Variants in GAS7 observed in about 807,000 individuals in gnomAD.
GAS7 encodes the protein growth arrest-specific protein 7.
A neutral mutation model predicts 71.1 loss-of-function variants in GAS7; 28 were observed. The observed-to-expected ratio is 0.39, with a 90% CI of 0.29 to 0.54. The LOEUF is 0.54. Among genes scored for constraint, GAS7 ranks in the 20% least tolerant of loss-of-function variants. GAS7 has a pLI of 0.62. For synonymous variants in GAS7, 258 were observed against 245.8 expected, an observed-to-expected ratio of 1.05 and a Z score of -0.46; for missense variants, 436 against 627.8, an observed-to-expected ratio of 0.69 and a Z score of 3.27.
intron 1 of GAS7, among the ~76,000 whole-genome samples, chr17:10,022,658 C>T (rs1053134652): frequency 7.9e-5 from 12 of 152,202 alleles, no homozygotes; most frequent in African/African-American, 7.2e-5. Flanking sequence ...GGTAACAATA[C>T]GTAACTCAGC....
chr17:9,918,268 T>A (rs9916639), intron 12 of GAS7, among the ~76,000 whole-genome samples, 169 bp from the exon 13 acceptor site: 1 of 145,446 alleles, frequency 6.9e-6, no homozygotes, highest in African/African-American at 2.6e-5. Context: ...GTGAAGCTGA[T>A]GACAGCAGCA....
chr17:10,154,643 G>A (rs901561989), intron 1 of GAS7, among the ~76,000 whole-genome samples: 8 of 152,026 alleles, frequency 5.3e-5, no homozygotes, highest in Admixed American at 6.6e-5. Context: ...TGAGACTGCC[G>A]CCCAACCGCC....
chr17:10,120,109 C>T (rs34876555), intron 1 of GAS7, among the ~76,000 whole-genome samples: 10,874 of 150,428 alleles, frequency 0.072, 423 homozygotes, highest in South Asian at 0.17. Context: ...CCCCTGCCCC[C>T]GCCCCGTGAC....
At chr17:10,176,803 T>A (rs970834277) in intron 1 of GAS7, among the ~76,000 whole-genome samples, 5 of 152,014 alleles carry the variant, frequency 3.3e-5, no homozygotes, top group Non-Finnish European at 7.4e-5. Flanking sequence ...CCCTTAATAG[T>A]CAGCACTCCA....
At chr17:10,110,048 C>T (rs1477588183) in intron 1 of GAS7, among the ~76,000 whole-genome samples, 3 of 129,600 alleles carry the variant, frequency 2.3e-5, no homozygotes, top group African/African-American at 5.8e-5. Flanking sequence ...AGCAAGGCTC[C>T]GTCTCAAAAA....
At chr17:10,046,876 G>GGAAAAGAAAAGAAAA (rs796639166) in intron 1 of GAS7, among the ~76,000 whole-genome samples, 41 of 98,224 alleles carry the variant, frequency 4.2e-4, no homozygotes, top group South Asian at 1.1e-3. Flanking sequence ...GAAAAGAAAA[G>GGAAAAGAAAAGAAAA]GAAAAGAAAA....
At chr17:10,098,630 G>C (rs2073668071) in intron 1 of GAS7, among the ~76,000 whole-genome samples, 1 of 152,182 alleles carries the variant, frequency 6.6e-6, no homozygotes, top group African/African-American at 2.4e-5. Context: ...TGGGAAGTGG[G>C]CATATCCCTA....
Position 9,912,125 on chromosome 17 carries a change from C to T in GAS7, c.*5103G>A, listed in dbSNP as rs2067454978. On this transcript the variant is annotated 3_prime_UTR_variant, in exon 14 of 14. Coordinates refer to ENST00000432992, the MANE Select transcript of GAS7 (RefSeq NM_201433.2). Reference sequence around the variant, plus strand: ...GAGATCCAAACGGTCATTACTTGCACTGTCTTTGGGGGGTCCTAGGAGAAA... The same window carrying T: ...GAGATCCAAACGGTCATTACTTGCATTGTCTTTGGGGGGTCCTAGGAGAAA... 4.3e-6 allele frequency: 1 copy of T among 232,132 alleles called. No individual in the cohort carries two copies. The highest frequency in any genetic ancestry group is 1.8e-4 in the South Asian group (1 of 5,530). 14.4% of individuals were successfully genotyped at this position (232,132 alleles called of 1,614,324 possible).
At chr17:10,096,850 A>G (rs766627845) in intron 1 of GAS7, among the ~76,000 whole-genome samples, 3 of 152,248 alleles carry the variant, frequency 2.0e-5, no homozygotes, top group Non-Finnish European at 4.4e-5. Flanking sequence ...TGGCGTCCAA[A>G]ACACGCCCTT....
intron 11 of GAS7, among the ~76,000 whole-genome samples, chr17:9,921,282 G>A (rs1023033580): frequency 5.3e-5 from 8 of 150,628 alleles, no homozygotes; most frequent in African/African-American, 1.7e-4. Flanking sequence ...TCAGCCTCCC[G>A]AGTAGCTGGT....
At chr17:10,100,662 G>A (rs2073689538) in intron 1 of GAS7, among the ~76,000 whole-genome samples, 1 of 152,110 alleles carries the variant, frequency 6.6e-6, no homozygotes, top group Non-Finnish European at 1.5e-5. Context: ...CCCCCATCCA[G>A]GCTCCATCTG....
At chr17:9,925,396 C>T (rs1051545070) in intron 11 of GAS7, 80 bp downstream of exon 11, 64 of 1,451,344 alleles carry the variant, frequency 4.4e-5, no homozygotes, top group Middle Eastern at 1.7e-4. Flanking sequence ...GATGCACCCT[C>T]GCCAGTCACC....
intron 1 of GAS7, among the ~76,000 whole-genome samples, chr17:10,097,674 C>T (rs1282116255): frequency 6.6e-6 from 1 of 152,132 alleles, no homozygotes; most frequent in Non-Finnish European, 1.5e-5. Context: ...AATCCGCAGG[C>T]AGGTATGGCA....
chr17:9,997,025 A>G (rs1165243591), intron 2 of GAS7, among the ~76,000 whole-genome samples: 1 of 152,174 alleles, frequency 6.6e-6, no homozygotes, highest in East Asian at 1.9e-4. Context: ...GTGTAGGAAC[A>G]GAGAGACAGA....
intron 1 of GAS7, among the ~76,000 whole-genome samples, chr17:10,190,125 G>A (rs1453433000): frequency 2.0e-5 from 3 of 152,188 alleles, no homozygotes; most frequent in Admixed American, 6.5e-5. Flanking sequence ...AGTTGTGACA[G>A]AGACCATATG....
At chr17:9,983,819 T>A (rs1054271650) in intron 2 of GAS7, among the ~76,000 whole-genome samples, 7 of 152,034 alleles carry the variant, frequency 4.6e-5, no homozygotes, top group African/African-American at 9.7e-5. Flanking sequence ...TAAAAATAAA[T>A]TTTAAAAACT....
chr17:9,948,588 C>A (rs2068880716), intron 5 of GAS7, among the ~76,000 whole-genome samples: 1 of 151,862 alleles, frequency 6.6e-6, no homozygotes, highest in Non-Finnish European at 1.5e-5. Context: ...GAGGCTGAGG[C>A]AGGAGAATCG....
At chr17:10,191,457 C>A (rs891580604) in intron 1 of GAS7, among the ~76,000 whole-genome samples, 15 of 149,498 alleles carry the variant, frequency 1.0e-4, no homozygotes, top group Admixed American at 9.4e-4. Context: ...ATAGTCCAAG[C>A]TACTTGGAGG....
intron 1 of GAS7, among the ~76,000 whole-genome samples, chr17:10,084,250 G>A (rs1306165673): frequency 3.3e-5 from 5 of 151,982 alleles, no homozygotes; most frequent in African/African-American, 1.2e-4. Flanking sequence ...AATTTTTAGG[G>A]GGAGAATAAA....
Sources: allele counts gnomAD v4.1 joint callset (sites outside exome capture counted in the v4.1 genomes callset), GRCh38; gene constraint gnomAD v4.1.1; transcripts MANE v1.5; gene names NCBI Gene and HGNC (gene_info 2026-07-23, HGNC 2026-07-21).